The following GRID2 variants were observed in gnomAD, a reference collection of about 807,000 sequenced individuals.
GRID2 encodes glutamate ionotropic receptor delta type subunit 2.
In GRID2, 33 loss-of-function variants were observed where a neutral mutation model predicts 114.8. That is an observed-to-expected ratio of 0.29 (90% CI 0.22 to 0.38). GRID2 has a LOEUF of 0.38. Among genes scored for constraint, GRID2 ranks in the 10% least tolerant of loss-of-function variants. The pLI, the probability that GRID2 is intolerant of heterozygous loss-of-function variation, is 1.00. For missense variants in GRID2, 1,184 were observed against 1,257.7 expected (o/e 0.94, Z 0.89); for synonymous variants, 505 against 449.9 (o/e 1.12, Z -1.55).
intron 7 of GRID2, among the ~76,000 whole-genome samples, chr4:93,230,147 C>T (rs1260131650): frequency 2.7e-5 from 4 of 148,646 alleles, no homozygotes; most frequent in East Asian, 2.0e-4. Flanking sequence ...TGTGTGTATG[C>T]GTGTGTGTGT....
intron 1 of GRID2, among the ~76,000 whole-genome samples, chr4:92,488,963 A>G (rs1723025302): frequency 6.6e-6 from 1 of 152,144 alleles, no homozygotes; most frequent in Admixed American, 6.6e-5. Flanking sequence ...AATTTATACC[A>G]CCAATTTATA....
At chr4:92,495,012 TATC>T (rs1163210115) in intron 1 of GRID2, among the ~76,000 whole-genome samples, 1 of 151,982 alleles carries the variant, frequency 6.6e-6, no homozygotes, top group East Asian at 1.9e-4. Context: ...ATAAAAATAT[TATC>T]AAACTTTGTT....
chr4:92,956,566 C>T (rs1298007889), intron 2 of GRID2, among the ~76,000 whole-genome samples: 2 of 152,114 alleles, frequency 1.3e-5, no homozygotes, highest in Non-Finnish European at 1.5e-5. Context: ...ATCAATTCTC[C>T]AACATCTGTT....
intron 8 of GRID2, among the ~76,000 whole-genome samples, chr4:93,329,887 C>T (rs1401334925): frequency 6.6e-6 from 1 of 150,454 alleles, no homozygotes; most frequent in East Asian, 2.0e-4. Context: ...GGAAAAGAGC[C>T]AGGCTCACTG....
chr4:92,968,536 A>C (rs1753300145), intron 2 of GRID2, among the ~76,000 whole-genome samples: 1 of 151,918 alleles, frequency 6.6e-6, no homozygotes, highest in Non-Finnish European at 1.5e-5. Context: ...CACAAAGTCT[A>C]GTTTCATTGA....
chr4:93,497,371 A>G (rs1310453064), intron 12 of GRID2, among the ~76,000 whole-genome samples: 1 of 151,726 alleles, frequency 6.6e-6, no homozygotes, highest in Admixed American at 6.6e-5. Context: ...AAGTTGATGA[A>G]GTGCAATGTA....
rs190743222 is a variant in GRID2 at position 92,412,909 on chromosome 4, C to A, written c.88+108165C>A. 3.3e-5 allele frequency among the ~76,000 whole-genome samples: 5 copies of A among 152,314 alleles called. No individual in the cohort carries two copies. In the East Asian group the frequency reaches 9.6e-4, roughly 29 times the overall value. ...ATCACAAATCAGAGGTCATTGCTTCCAGAAATTTTCTACTGACAGTCCAAG... is the reference window on the plus strand; with the variant it reads ...ATCACAAATCAGAGGTCATTGCTTCAAGAAATTTTCTACTGACAGTCCAAG... On this transcript the variant is annotated intron_variant, in intron 1 of 15. Coordinates refer to ENST00000282020, the MANE Select transcript of GRID2 (RefSeq NM_001510.4).
At chr4:93,188,501 G>C (rs1043820739) in intron 4 of GRID2, among the ~76,000 whole-genome samples, 2 of 152,162 alleles carry the variant, frequency 1.3e-5, no homozygotes, top group African/African-American at 4.8e-5. Flanking sequence ...TGATCTCTGA[G>C]ATGCATTTGT....
At chr4:93,668,487 A>C (rs1025222693) in intron 14 of GRID2, among the ~76,000 whole-genome samples, 1 of 151,982 alleles carries the variant, frequency 6.6e-6, no homozygotes, top group Non-Finnish European at 1.5e-5. Context: ...ATTTCAGCAA[A>C]TATGCATTGA....
At chr4:92,656,972 A>T (rs369323508) in intron 2 of GRID2, among the ~76,000 whole-genome samples, 4 of 150,944 alleles carry the variant, frequency 2.6e-5, no homozygotes, top group Non-Finnish European at 5.9e-5. Context: ...TATTGCATTT[A>T]TTTTTTTTTC....
intron 4 of GRID2, among the ~76,000 whole-genome samples, chr4:93,137,648 G>A (rs1735385273): frequency 6.6e-6 from 1 of 152,098 alleles, no homozygotes; most frequent in Non-Finnish European, 1.5e-5. Context: ...AGGCTATCTT[G>A]TACTGCTTTA....
chr4:92,540,094 T>C (rs1056690080), intron 1 of GRID2, among the ~76,000 whole-genome samples: 5 of 152,172 alleles, frequency 3.3e-5, no homozygotes, highest in Admixed American at 6.6e-5. Context: ...GCTAGCCATA[T>C]GTAGAAAGCT....
intron 2 of GRID2, among the ~76,000 whole-genome samples, chr4:92,886,619 T>C (rs2030103800): frequency 6.6e-6 from 1 of 151,936 alleles, no homozygotes; most frequent in Non-Finnish European, 1.5e-5. Context: ...TTTAATTTAA[T>C]TTTATTTATT....
At chr4:92,943,268 T>A (rs939264864) in intron 2 of GRID2, among the ~76,000 whole-genome samples, 5 of 152,150 alleles carry the variant, frequency 3.3e-5, no homozygotes, top group Non-Finnish European at 7.3e-5. Context: ...TTTGTTCTTT[T>A]CTTTTTATTC....
intron 2 of GRID2, among the ~76,000 whole-genome samples, chr4:93,032,345 G>T (rs1373566140): frequency 6.6e-6 from 1 of 152,106 alleles, no homozygotes; most frequent in African/African-American, 2.4e-5. Context: ...GGTTTATTTT[G>T]GGCAGGATCA....
At chr4:92,566,789 C>T (rs1345520196) in intron 1 of GRID2, among the ~76,000 whole-genome samples, 2 of 152,032 alleles carry the variant, frequency 1.3e-5, no homozygotes, top group South Asian at 2.1e-4. Context: ...GATACATTTT[C>T]AGGCACATAT....
intron 2 of GRID2, among the ~76,000 whole-genome samples, chr4:92,931,208 C>T (rs1335256071): frequency 2.0e-5 from 3 of 150,608 alleles, no homozygotes; most frequent in African/African-American, 7.3e-5. Context: ...ATTTGAAAAT[C>T]AACTCACTAA....
At chr4:92,630,409 C>G (rs1019196702) in intron 2 of GRID2, among the ~76,000 whole-genome samples, 4 of 152,080 alleles carry the variant, frequency 2.6e-5, no homozygotes, top group African/African-American at 9.7e-5. Context: ...TAACAAGTCT[C>G]TCCTTTTCTG....
At chr4:93,193,560 C>A (rs1226100172) in intron 4 of GRID2, among the ~76,000 whole-genome samples, 2 of 152,142 alleles carry the variant, frequency 1.3e-5, no homozygotes, top group Non-Finnish European at 2.9e-5. Flanking sequence ...GAGGCCTCCC[C>A]AGCCACACTG....
Sources: gnomAD v4.1 joint callset for allele counts (sites outside exome capture counted in the v4.1 genomes callset) on GRCh38, gnomAD v4.1.1 for gene constraint, MANE v1.5 for transcripts, NCBI Gene and HGNC (gene_info 2026-07-23, HGNC 2026-07-21) for gene names.